Variants in NOL4 observed in about 807,000 individuals in gnomAD.
NOL4 encodes cancer/testis antigen 125.
A neutral mutation model predicts 75.9 loss-of-function variants in NOL4; 17 were observed. That is an observed-to-expected ratio of 0.22 (90% CI 0.15 to 0.34). NOL4 has a LOEUF of 0.34. NOL4 is among the 10% of genes least tolerant of loss of function. NOL4 has a pLI of 1.00. For synonymous variants in NOL4, 292 were observed against 289.9 expected, an observed-to-expected ratio of 1.01 and a Z score of -0.07; for missense variants, 614 against 793.5, an observed-to-expected ratio of 0.77 and a Z score of 2.72.
chr18:34,189,960 C>G (rs2034788532), intron 1 of NOL4, among the ~76,000 whole-genome samples: 1 of 150,142 alleles, frequency 6.7e-6, no homozygotes, highest in Admixed American at 6.7e-5. Flanking sequence ...GTTACAATTC[C>G]AATAGTAGAG....
chr18:34,063,332 T>G (rs774020277), intron 5 of NOL4, among the ~76,000 whole-genome samples: 11 of 152,052 alleles, frequency 7.2e-5, no homozygotes, highest in Non-Finnish European at 1.2e-4. Context: ...GGCAAATATT[T>G]TGCTTTTCCA....
intron 2 of NOL4, among the ~76,000 whole-genome samples, chr18:34,108,565 A>G (rs928342012): frequency 1.3e-5 from 2 of 152,178 alleles, no homozygotes; most frequent in African/African-American, 4.8e-5. Flanking sequence ...ATCAAACATA[A>G]TAGGGTGCTT....
At chr18:33,858,050 C>T (rs1035525536) in intron 10 of NOL4, among the ~76,000 whole-genome samples, 6 of 152,046 alleles carry the variant, frequency 3.9e-5, no homozygotes, top group Admixed American at 2.6e-4. Flanking sequence ...ACCATCTCAA[C>T]TCAAGAGGCA....
intron 5 of NOL4, among the ~76,000 whole-genome samples, chr18:34,047,209 G>A (rs2076419311): frequency 6.6e-6 from 1 of 152,068 alleles, no homozygotes; most frequent in Non-Finnish European, 1.5e-5. Flanking sequence ...CTCTGTTTTT[G>A]CAGCAACACC....
intron 10 of NOL4, among the ~76,000 whole-genome samples, chr18:33,879,518 A>G (rs995891381): frequency 2.0e-5 from 3 of 151,826 alleles, no homozygotes; most frequent in African/African-American, 7.3e-5. Flanking sequence ...GCTAAAAATA[A>G]AAATAAAAAT....
chr18:34,069,708 A>G (rs1254165692), intron 5 of NOL4, among the ~76,000 whole-genome samples: 2 of 152,222 alleles, frequency 1.3e-5, no homozygotes, highest in Non-Finnish European at 2.9e-5. Context: ...AGTCCAGAAA[A>G]CCAACCCATT....
At chr18:34,071,034 C>T (rs2077491562) in intron 5 of NOL4, among the ~76,000 whole-genome samples, 1 of 152,060 alleles carries the variant, frequency 6.6e-6, no homozygotes, top group Non-Finnish European at 1.5e-5. Context: ...TGTTCTATAG[C>T]ATAGCAGGGG....
rs2035697126 is a variant in NOL4, at chr18:34,201,004, C to CTA, written c.264+21984_264+21985dup. Among the ~76,000 whole-genome samples, 4 of 151,748 alleles carry CTA rather than the reference C, an allele frequency of 2.6e-5. No homozygotes were observed. The South Asian group carries it at 8.3e-4, about 31-fold the overall frequency. On this transcript the variant is annotated intron_variant, in intron 1 of 10. Coordinates refer to ENST00000261592, the MANE Select transcript of NOL4 (RefSeq NM_003787.5). Reference sequence around the variant, plus strand: ...AACAAATTAATATAATACTATACTCCTATGCTGCTCTATATAGGGTTGATG... The same window carrying CTA: ...AACAAATTAATATAATACTATACTCCTATATGCTGCTCTATATAGGGTTGATG...
At chr18:33,894,903 TCTATTGCA>T (rs1210716033) in intron 9 of NOL4, among the ~76,000 whole-genome samples, 1 of 152,092 alleles carries the variant, frequency 6.6e-6, no homozygotes, top group Admixed American at 6.6e-5. Context: ...GGTTTTGTGC[TCTATTGCA>T]CAGCAGGATG....
chr18:34,046,287 C>T (rs12185307), intron 5 of NOL4, among the ~76,000 whole-genome samples: 14,528 of 151,928 alleles, frequency 0.096, 902 homozygotes, highest in Non-Finnish European at 0.14. Context: ...GAAGCATTGC[C>T]TTTCGAGAGA....
At chr18:34,149,398 A>C in intron 1 of NOL4, among the ~76,000 whole-genome samples, 1 of 151,616 alleles carries the variant, frequency 6.6e-6, no homozygotes, top group East Asian at 1.9e-4. Flanking sequence ...ATTTTGGGAA[A>C]ATTCTGGGAC....
chr18:33,918,520 A>T (rs940678625), intron 9 of NOL4, among the ~76,000 whole-genome samples: 2 of 152,172 alleles, frequency 1.3e-5, no homozygotes, highest in Non-Finnish European at 1.5e-5. Flanking sequence ...GGAAGTATCA[A>T]ATTTAAACAG....
intron 6 of NOL4, among the ~76,000 whole-genome samples, chr18:33,959,145 A>C (rs1464751914): frequency 6.6e-6 from 1 of 152,146 alleles, no homozygotes; most frequent in Non-Finnish European, 1.5e-5. Context: ...AGAACAATTA[A>C]ATAATAGTGA....
At position 34,059,642 on chromosome 18, in the gene NOL4, C is replaced by A. The variant is rs1205592305; in HGVS notation, c.772+33823G>T. ...CCATAACTTTCTCCTTGTGAAATAACCTCCCTAAATCTGGAGTGGTCTGGT... is the reference window on the plus strand; with the variant it reads ...CCATAACTTTCTCCTTGTGAAATAAACTCCCTAAATCTGGAGTGGTCTGGT... On this transcript the variant is annotated intron_variant, in intron 5 of 10. Transcript: ENST00000261592. Among the ~76,000 whole-genome samples, 4 of 152,086 alleles carry A rather than the reference C, an allele frequency of 2.6e-5. No homozygotes were observed. The East Asian group carries it at 5.8e-4, about 22-fold the overall frequency.
intron 1 of NOL4, among the ~76,000 whole-genome samples, chr18:34,184,999 T>C (rs1478504770): frequency 6.6e-6 from 1 of 152,094 alleles, no homozygotes; most frequent in Non-Finnish European, 1.5e-5. Context: ...AAAATTTTCT[T>C]ACCTGTCATC....
intron 6 of NOL4, among the ~76,000 whole-genome samples, chr18:33,999,829 T>G (rs1487792465): frequency 6.6e-6 from 1 of 152,042 alleles, no homozygotes; most frequent in Non-Finnish European, 1.5e-5. Context: ...TTGTTGTATT[T>G]TTTTAGTAGA....
At chr18:33,925,292 T>C (rs1294677491) in intron 9 of NOL4, among the ~76,000 whole-genome samples, 1 of 152,164 alleles carries the variant, frequency 6.6e-6, no homozygotes, top group Non-Finnish European at 1.5e-5. Context: ...TTTCAACAAA[T>C]TTTGTAGCTA....
chr18:34,022,189 A>T (rs1041338032), intron 5 of NOL4, among the ~76,000 whole-genome samples: 46 of 151,960 alleles, frequency 3.0e-4, no homozygotes, highest in Non-Finnish European at 2.1e-4. Flanking sequence ...TAATGAAATA[A>T]TATTATTTCA....
chr18:33,973,139 A>G (rs1348350260), intron 6 of NOL4, among the ~76,000 whole-genome samples: 1 of 152,220 alleles, frequency 6.6e-6, no homozygotes, highest in African/African-American at 2.4e-5. Context: ...AGCTTATGTA[A>G]TATTCTAAAT....
Sources: allele counts gnomAD v4.1 joint callset (sites outside exome capture counted in the v4.1 genomes callset), GRCh38; gene constraint gnomAD v4.1.1; transcripts MANE v1.5; gene names NCBI Gene and HGNC (gene_info 2026-07-23, HGNC 2026-07-21).